The following SP100 variants were observed in gnomAD, a reference collection of about 807,000 sequenced individuals.
SP100 encodes the protein nuclear autoantigen Sp-100.
Under a neutral mutation model 130.0 loss-of-function variants are expected in SP100, and 84 were observed. That is an observed-to-expected ratio of 0.65 (90% CI 0.54 to 0.77). The LOEUF is 0.77. SP100 is among the 30% of genes least tolerant of loss of function. The pLI is 0.00. For missense variants in SP100, 978 were observed against 1,052.2 expected, an observed-to-expected ratio of 0.93 and a Z score of 0.97; for synonymous variants, 331 against 351.7, an observed-to-expected ratio of 0.94 and a Z score of 0.66.
In SP100 at chr2:230,443,087, TA is replaced by T; in HGVS notation, c.262del (p.Met88CysfsTer50). 1 of 1,613,814 alleles carries T rather than the reference TA, an allele frequency of 6.2e-7. No individual in the cohort carries two copies. The highest frequency in any genetic ancestry group is 8.5e-7 in the Non-Finnish European group (1 of 1,179,884). ...TCCGTGATCGTGATCTCATCACAAA[TA>T]AAATGTTTGAAGTAAGTAAAGTTTA... is the stretch of plus-strand genomic sequence containing the variant. ...GLRDRDLITN[K>X]MFEDSQDSCR... On this transcript the variant is annotated frameshift_variant, in exon 3 of 29. Transcript: ENST00000340126. LOFTEE classifies it high-confidence loss of function.
At chr2:230,533,169 GA>G (rs1409183812) in intron 24 of SP100, among the ~76,000 whole-genome samples, 3 of 152,172 alleles carry the variant, frequency 2.0e-5, no homozygotes, top group African/African-American at 7.2e-5. Context: ...GTATCTAAAT[GA>G]AAGGAGATTA....
chr2:230,493,921 A>T lies in SP100; in HGVS notation c.1601-495A>T, dbSNP rs116301193. The T allele has an allele frequency of 5.4e-3, 866 of 161,046 alleles. 10 individuals are homozygous for T. The highest frequency in any genetic ancestry group is 0.02 in the African/African-American group (821 of 41,550). The allele number at this position is 161,046 out of a possible 1,614,324, so 10.0% of individuals were successfully genotyped here. A position where few individuals can be genotyped will look rare whatever the true frequency, so the allele number is the denominator to read the frequency against. ...GTAGCAGGGACTACAGGTACATGGC[A>T]CCACTCCAGGCTAATTTTTGTAATA... On this transcript the variant is annotated intron_variant, in intron 17 of 28. Transcript: ENST00000340126.
intron 15 of SP100, among the ~76,000 whole-genome samples, chr2:230,472,368 C>A (rs2149997408): frequency 7.3e-6 from 1 of 137,652 alleles, no homozygotes; most frequent in East Asian, 2.1e-4. Flanking sequence ...GCAGGTCTTG[C>A]AGTGAACCAA....
intron 19 of SP100, among the ~76,000 whole-genome samples, chr2:230,501,245 G>C (rs552710998): frequency 1.3e-5 from 2 of 151,798 alleles, no homozygotes; most frequent in Admixed American, 6.6e-5. Context: ...GGCAAGACTC[G>C]GTCTCAAAAA....
chr2:230,516,954 A>T (rs1690946332), intron 24 of SP100, among the ~76,000 whole-genome samples: 1 of 152,210 alleles, frequency 6.6e-6, no homozygotes, highest in Non-Finnish European at 1.5e-5. Context: ...ACATATCTAT[A>T]CAAATATTAC....
chr2:230,535,246 TG>T (rs1401386537), intron 24 of SP100, among the ~76,000 whole-genome samples: 1 of 152,136 alleles, frequency 6.6e-6, no homozygotes, highest in Non-Finnish European at 1.5e-5. Context: ...TTTGCTTCTT[TG>T]GGGGAGTTCA....
At chr2:230,467,387 A>G (rs1287789344) in intron 13 of SP100, among the ~76,000 whole-genome samples, 172 bp downstream of exon 13, 3 of 152,250 alleles carry the variant, frequency 2.0e-5, no homozygotes, top group Non-Finnish European at 4.4e-5. Context: ...AGGCTTAACA[A>G]GATGGTTGTG....
chr2:230,515,540 A>G, intron 24 of SP100: 1 of 1,602,340 alleles, frequency 6.2e-7, no homozygotes, highest in Non-Finnish European at 8.5e-7. Context: ...TCAGCAAAAA[A>G]GAGAGTTGTC....
At chr2:230,519,151 A>G (rs1437941266) in intron 24 of SP100, among the ~76,000 whole-genome samples, 1 of 152,242 alleles carries the variant, frequency 6.6e-6, no homozygotes, top group Non-Finnish European at 1.5e-5. Flanking sequence ...TAATCCTTCC[A>G]TATGGCTAAT....
intron 17 of SP100, among the ~76,000 whole-genome samples, chr2:230,476,769 T>C (rs1002075136): frequency 6.6e-6 from 1 of 152,226 alleles, no homozygotes; most frequent in Admixed American, 6.5e-5. Flanking sequence ...TCATTTTTAG[T>C]GTCGTCAGGA....
intron 18 of SP100, among the ~76,000 whole-genome samples, chr2:230,496,457 A>C (rs964608683): frequency 7.9e-5 from 12 of 152,154 alleles, no homozygotes; most frequent in Non-Finnish European, 1.5e-4. Flanking sequence ...GCTTTCAGCT[A>C]ATTTGGGTCT....
chr2:230,531,043 AT>A (rs1691676211), intron 24 of SP100, among the ~76,000 whole-genome samples: 1 of 152,210 alleles, frequency 6.6e-6, no homozygotes, highest in South Asian at 2.1e-4. Context: ...TAGAAATACT[AT>A]TTGACCCAGC....
chr2:230,487,671 T>C (rs2066177687), intron 17 of SP100, among the ~76,000 whole-genome samples: 1 of 152,150 alleles, frequency 6.6e-6, no homozygotes, highest in Non-Finnish European at 1.5e-5. Context: ...CTTCTTTGAT[T>C]CCAAATGAAA....
intron 2 of SP100, among the ~76,000 whole-genome samples, chr2:230,424,120 T>C (rs986153855): frequency 6.6e-6 from 1 of 152,190 alleles, no homozygotes; most frequent in African/African-American, 2.4e-5. Context: ...GCAAGCCTTG[T>C]TTCTTCCCTG....
chr2:230,506,309 CAAA>C lies in SP100; in HGVS notation c.1878_1880del (p.Lys628del). ...CTTTGCCTTGGTCTTACAGGAACCT[CAAA>C]GAAGTGTATACAGAGTGAGGATAAA... On this transcript the variant is annotated inframe_deletion, in exon 22 of 29. Coordinates refer to ENST00000340126, the MANE Select transcript of SP100 (RefSeq NM_001080391.2). 6.2e-7 allele frequency: 1 copy of C among 1,613,700 alleles called. No homozygotes were observed.
intron 2 of SP100, among the ~76,000 whole-genome samples, chr2:230,424,003 T>G (rs1188512786): frequency 2.0e-5 from 3 of 152,206 alleles, no homozygotes; most frequent in Non-Finnish European, 4.4e-5. Flanking sequence ...GTGTAGTAAC[T>G]AATGCCAGAT....
chr2:230,473,617 C>T (rs79689294), intron 16 of SP100, among the ~76,000 whole-genome samples, 177 bp downstream of exon 16: 2,082 of 152,280 alleles, frequency 0.014, 51 homozygotes, highest in African/African-American at 0.048. Context: ...AAATCATAGT[C>T]CCGGTTTCCT....
chr2:230,531,605 T>G (rs10933338), intron 24 of SP100, among the ~76,000 whole-genome samples: 70,107 of 152,012 alleles, frequency 0.46, 16,432 homozygotes, highest in South Asian at 0.56. Context: ...CAGTTTGGCA[T>G]TTCTTTTTTT....
At position 230,451,328 on chromosome 2, in the gene SP100, C is replaced by T. The variant is rs193031113; in HGVS notation, c.820+1073C>T. ...TATCTTTAGTCTTTTTGATAATAAC[C>T]ATTCTAACCAGTATGTGGTGATGTT... On this transcript the variant is annotated intron_variant, in intron 8 of 28. Coordinates refer to ENST00000340126, the MANE Select transcript of SP100 (RefSeq NM_001080391.2). Among the ~76,000 whole-genome samples the T allele has an allele frequency of 5.9e-5, 9 of 152,246 alleles. No homozygotes were observed. In the East Asian group the frequency reaches 1.7e-3, roughly 29 times the overall value.
Sources: allele counts gnomAD v4.1 joint callset (sites outside exome capture counted in the v4.1 genomes callset), GRCh38; gene constraint gnomAD v4.1.1; transcripts MANE v1.5; gene names NCBI Gene and HGNC (gene_info 2026-07-23, HGNC 2026-07-21).